Variants in GRAMD1B observed in about 807,000 individuals in gnomAD.
The protein encoded by GRAMD1B is GRAM domain containing 1B, also known as protein Aster-B.
In GRAMD1B, 37 loss-of-function variants were observed where a neutral mutation model predicts 99.7. The ratio of observed to expected loss-of-function variants is 0.37; its 90% confidence interval spans 0.29 to 0.49. The LOEUF (loss-of-function observed/expected upper bound fraction) is 0.49. Ranked by LOEUF, GRAMD1B falls within the 20% of genes least tolerant of loss-of-function variation. The pLI is 0.98. For synonymous variants in GRAMD1B, 427 were observed against 387.6 expected (o/e 1.10, Z -1.19); for missense variants, 888 against 1,009.2 (o/e 0.88, Z 1.63).
intron 7 of GRAMD1B, 86 bp downstream of exon 7, chr11:123,596,123 G>A: frequency 1.3e-6 from 1 of 746,032 alleles, no homozygotes; most frequent in East Asian, 2.8e-5. Context: ...TCGCATGAAT[G>A]TGGAAGCCAA....
intron 11 of GRAMD1B, chr11:123,608,340 T>C (rs1477322312): frequency 3.0e-6 from 2 of 666,434 alleles, no homozygotes; most frequent in East Asian, 2.7e-5. Context: ...TAGTCATTTA[T>C]TTGAATTTTA....
intron 2 of GRAMD1B, among the ~76,000 whole-genome samples, chr11:123,535,024 G>A (rs1342985833): frequency 6.6e-6 from 1 of 152,080 alleles, no homozygotes; most frequent in Non-Finnish European, 1.5e-5. Flanking sequence ...GGCAAAACAG[G>A]GCTCACCTAC....
upstream of GRAMD1B, among the ~76,000 whole-genome samples, chr11:123,429,030 A>G (rs1434172797): frequency 6.6e-6 from 1 of 152,106 alleles, no homozygotes; most frequent in Non-Finnish European, 1.5e-5. The surrounding 1 kb of genome is among the most constrained non-coding windows in gnomAD (Gnocchi z 4.0). Flanking sequence ...CATATCGACA[A>G]AAAGAAATAA....
At chr11:123,560,799 C>T (rs543539535) in intron 2 of GRAMD1B, 2 of 435,048 alleles carry the variant, frequency 4.6e-6, no homozygotes, top group East Asian at 7.1e-5. Flanking sequence ...GAATGGGGCC[C>T]TGGGGGCTGT....
Position 123,492,060 on chromosome 11 carries a change from T to A in GRAMD1B, c.452+11167T>A, listed in dbSNP as rs1938612472. The A allele has an allele frequency of 5.1e-6, 2 of 395,444 alleles. No individual in the cohort carries two copies. The highest frequency in any genetic ancestry group is 7.2e-5 in the East Asian group (2 of 27,880). The allele number at this position is 395,444 out of a possible 1,614,324, so 24.5% of individuals were successfully genotyped here. On this transcript the variant is annotated intron_variant, in intron 2 of 19. Coordinates refer to ENST00000635736, the MANE Select transcript of GRAMD1B (RefSeq NM_001387025.1). The surrounding 1 kb of genome is among the most constrained non-coding windows in gnomAD (Gnocchi z 4.2). ...CCTGCCCAAGAGGGACACTCGGTGA[T>A]CCATTGCAAGAGGCTGAAGGGAAAG... is the stretch of plus-strand genomic sequence containing the variant.
chr11:123,526,468 G>C (rs538515430), intron 2 of GRAMD1B, among the ~76,000 whole-genome samples: 9 of 152,298 alleles, frequency 5.9e-5, no homozygotes, highest in Non-Finnish European at 1.2e-4. Flanking sequence ...CGTGAGGAGT[G>C]GTGCGCACAG....
chr11:123,544,165 C>T (rs76456786), intron 2 of GRAMD1B, among the ~76,000 whole-genome samples: 6,925 of 152,250 alleles, frequency 0.045, 268 homozygotes, highest in African/African-American at 0.11. Context: ...AGAGATTGAA[C>T]ATCTGAGCTG....
At chr11:123,561,023 A>G (rs1318354978) in intron 2 of GRAMD1B, among the ~76,000 whole-genome samples, 1 of 151,686 alleles carries the variant, frequency 6.6e-6, no homozygotes, top group Non-Finnish European at 1.5e-5. Flanking sequence ...TTTCTCCTCT[A>G]TAGTAGCACT....
At chr11:123,400,441 C>T (rs2135912528) in intron 1 of GRAMD1B, among the ~76,000 whole-genome samples, 1 of 152,250 alleles carries the variant, frequency 6.6e-6, no homozygotes, top group East Asian at 1.9e-4. Flanking sequence ...CGTGCCATTG[C>T]AATTCCCCTT....
chr11:123,448,263 AT>A (rs113375901), intron 1 of GRAMD1B, among the ~76,000 whole-genome samples: 4 of 149,846 alleles, frequency 2.7e-5, no homozygotes, highest in Admixed American at 6.6e-5. Flanking sequence ...TTTTTTTATT[AT>A]TTTTTTTTGA....
At chr11:123,392,070 T>C (rs376619384) in intron 1 of GRAMD1B, among the ~76,000 whole-genome samples, 2 of 152,082 alleles carry the variant, frequency 1.3e-5, no homozygotes, top group East Asian at 1.9e-4. Context: ...GGACCATTCA[T>C]GGATCCTGGG....
chr11:123,563,905 C>T (rs1014425036), intron 2 of GRAMD1B, among the ~76,000 whole-genome samples: 13 of 152,230 alleles, frequency 8.5e-5, no homozygotes, highest in Non-Finnish European at 1.3e-4. Flanking sequence ...AAGCCAGCAG[C>T]GGGACCGACC....
intron 1 of GRAMD1B, among the ~76,000 whole-genome samples, chr11:123,440,156 T>C (rs76145426): frequency 0.018 from 2,703 of 152,324 alleles, 89 homozygotes; most frequent in African/African-American, 0.061. Context: ...AAAGGAATCA[T>C]TTTAAAAAAT....
chr11:123,509,320 A>C (rs1158410317), intron 2 of GRAMD1B, among the ~76,000 whole-genome samples: 3 of 152,208 alleles, frequency 2.0e-5, no homozygotes, highest in Non-Finnish European at 4.4e-5. Context: ...CGACGTCCCT[A>C]ACAGAAGATA....
intron 1 of GRAMD1B, among the ~76,000 whole-genome samples, chr11:123,440,977 C>T (rs1037684907): frequency 6.6e-5 from 10 of 152,134 alleles, no homozygotes; most frequent in South Asian, 2.1e-4. Flanking sequence ...TTGCACAAGC[C>T]CTCTTCTCTT....
At position 123,548,291 on chromosome 11, in the gene GRAMD1B, AATATATATATATATATATATATATAT is replaced by A. The variant is rs139996126; in HGVS notation, c.453-29066_453-29041del. Among the ~76,000 whole-genome samples, 3 of 75,138 alleles carry A rather than the reference AATATATATATATATATATATATATAT, an allele frequency of 4.0e-5. No homozygotes were observed. The Admixed American group carries it at 4.8e-4, about 12-fold the overall frequency. 49.3% of individuals were successfully genotyped at this position (75,138 alleles called of 152,430 possible). A position where few individuals can be genotyped will look rare whatever the true frequency, so the allele number is the denominator to read the frequency against. ...AATTGGAAGAGTCAGGCTGTGCCAAAATATATATATATATATATATATATATATATATATACACACACACACACACA... is the reference window on the plus strand; with the variant it reads ...AATTGGAAGAGTCAGGCTGTGCCAAAATATATATACACACACACACACACA... On this transcript the variant is annotated intron_variant, in intron 2 of 19. Coordinates refer to ENST00000635736, the MANE Select transcript of GRAMD1B (RefSeq NM_001387025.1).
chr11:123,602,197 C>T (rs1164714702), intron 8 of GRAMD1B, among the ~76,000 whole-genome samples: 1 of 152,190 alleles, frequency 6.6e-6, no homozygotes, highest in East Asian at 1.9e-4. Flanking sequence ...TCTGCCATTC[C>T]AGGCACTTCT....
At chr11:123,389,634 T>C (rs1248742634) in intron 1 of GRAMD1B, among the ~76,000 whole-genome samples, 1 of 152,150 alleles carries the variant, frequency 6.6e-6, no homozygotes, top group African/African-American at 2.4e-5. Context: ...GTATTAATAT[T>C]GATTGTTGGT....
intron 2 of GRAMD1B, among the ~76,000 whole-genome samples, chr11:123,513,636 T>TTCTTTCTTTCTTTCTC (rs1424698656): frequency 2.8e-5 from 4 of 142,962 alleles, no homozygotes; most frequent in African/African-American, 1.0e-4. Flanking sequence ...CTTTCTTTCT[T>TTCTTTCTTTCTTTCTC]TCTTTCTTTT....
Sources: gnomAD v4.1 joint callset for allele counts (sites outside exome capture counted in the v4.1 genomes callset) on GRCh38, gnomAD v4.1.1 for gene constraint, Gnocchi (gnomAD v3.1) non-coding constraint, MANE v1.5 for transcripts, NCBI Gene and HGNC (gene_info 2026-07-23, HGNC 2026-07-21) for gene names.